Variants in NEO1 observed in about 807,000 individuals in gnomAD.
The protein encoded by NEO1 is neogenin 1.
Under a neutral mutation model 159.7 loss-of-function variants are expected in NEO1, and 63 were observed. The ratio of observed to expected loss-of-function variants is 0.39; its 90% CI spans 0.32 to 0.49. The LOEUF (loss-of-function observed/expected upper bound fraction) is 0.49. Ranked by LOEUF, NEO1 falls within the 20% of genes least tolerant of loss-of-function variation. The probability of loss-of-function intolerance (pLI) is 0.85; values close to 1 mark genes in which losing one functional copy is unlikely to be tolerated. For synonymous variants in NEO1, 633 were observed against 662.0 expected, an observed-to-expected ratio of 0.96 and a Z score of 0.67; for missense variants, 1,615 against 1,831.0, an observed-to-expected ratio of 0.88 and a Z score of 2.15.
chr15:73,076,443 A>G (rs1199963913), intron 1 of NEO1, among the ~76,000 whole-genome samples: 1 of 152,194 alleles, frequency 6.6e-6, no homozygotes, highest in African/African-American at 2.4e-5. Context: ...CCTTTCTGCT[A>G]AATGAATGCT....
chr15:73,186,537 C>A (rs2151993235), intron 7 of NEO1, among the ~76,000 whole-genome samples: 1 of 151,924 alleles, frequency 6.6e-6, no homozygotes, highest in South Asian at 2.1e-4. Context: ...AGATTAATTG[C>A]TTTAAGAGAT....
chr15:73,070,588 A>G (rs2068482598), intron 1 of NEO1, among the ~76,000 whole-genome samples: 1 of 152,198 alleles, frequency 6.6e-6, no homozygotes, highest in Admixed American at 6.5e-5. Context: ...GTCCCCCCTT[A>G]TCCATGGGAG....
rs903501375 is a variant in NEO1, at chr15:73,175,488, C to T, written c.1016-915C>T. On this transcript the variant is annotated intron_variant, in intron 5 of 28. Transcript: ENST00000261908. ...GGAAAAGAAGACAATATTTTTAAGA[C>T]GTCAAGTTGCCACAAATTCAACACA... is the stretch of plus-strand genomic sequence containing the variant. Among the ~76,000 whole-genome samples the T allele has an allele frequency of 6.6e-5, 10 of 152,280 alleles. 1 individual carries two copies. The South Asian group carries it at 8.3e-4, about 13-fold the overall frequency.
intron 5 of NEO1, among the ~76,000 whole-genome samples, chr15:73,145,970 CT>C (rs1205034313): frequency 2.0e-5 from 3 of 152,156 alleles, no homozygotes; most frequent in Non-Finnish European, 4.4e-5. Flanking sequence ...CCACTAGCTA[CT>C]TAAAAACACC....
intron 7 of NEO1, among the ~76,000 whole-genome samples, chr15:73,211,110 G>C (rs2037531000): frequency 6.6e-6 from 1 of 152,148 alleles, no homozygotes; most frequent in African/African-American, 2.4e-5. Flanking sequence ...GATAATTATT[G>C]TAATATCTTA....
intron 4 of NEO1, among the ~76,000 whole-genome samples, chr15:73,127,405 A>C (rs2030430946): frequency 1.3e-5 from 2 of 152,104 alleles, no homozygotes; most frequent in South Asian, 4.1e-4. Context: ...TTCTCATAAG[A>C]GATGTGGGGT....
chr15:73,061,136 A>G (rs2067957252), intron 1 of NEO1, among the ~76,000 whole-genome samples: 1 of 152,246 alleles, frequency 6.6e-6, no homozygotes, highest in African/African-American at 2.4e-5. Context: ...AGTATAATCT[A>G]ATTTCTGAGC....
At chr15:73,178,567 T>C in intron 7 of NEO1, 140 bp downstream of exon 7, 1 of 896,242 alleles carries the variant, frequency 1.1e-6, no homozygotes, top group Admixed American at 3.7e-5. Flanking sequence ...AATAGCAGTC[T>C]AAATCATTTC....
intron 5 of NEO1, among the ~76,000 whole-genome samples, chr15:73,166,415 T>C (rs1272987953): frequency 1.3e-5 from 2 of 152,132 alleles, no homozygotes; most frequent in Admixed American, 1.3e-4. Context: ...GACATTTGGA[T>C]TGCTGCAAAG....
At chr15:73,053,489 T>C (rs1405936822) in intron 1 of NEO1, among the ~76,000 whole-genome samples, 2 of 152,218 alleles carry the variant, frequency 1.3e-5, no homozygotes, top group African/African-American at 4.8e-5. Flanking sequence ...TACAACTATA[T>C]TTACAGCCTA....
chr15:73,052,685 G>A lies in NEO1; in HGVS notation c.10G>A (p.Glu4Lys), dbSNP rs868726777. 1.5e-6 allele frequency: 2 copies of A among 1,355,660 alleles called. No homozygotes were observed. Among genetic ancestry groups the A allele is most frequent in the Non-Finnish European group, 1.9e-6 (2 of 1,046,640 alleles). The allele number at this position is 1,355,660 out of a possible 1,614,324, so 84.0% of individuals were successfully genotyped here. A position where few individuals can be genotyped will look rare whatever the true frequency, so the allele number is the denominator to read the frequency against. MAA[E>K]RGARRLLSTP... is the part of the protein sequence containing the mutation. ...CACTCTCGGGGAAGAGATGGCGGCG[G>A]AGCGGGGAGCCCGGCGACTCCTCAG... The change falls in exon 1 of 29, where the codon GAG becomes AAG. Residue 4 changes from glutamate (E) to lysine (K), a missense_variant. This residue lies in a region of NEO1 where 1,018 missense variants were observed against 1,115.4 expected (regional missense o/e 0.91). Transcript: ENST00000261908.
At chr15:73,194,712 A>G (rs1169295145) in intron 7 of NEO1, among the ~76,000 whole-genome samples, 1 of 152,220 alleles carries the variant, frequency 6.6e-6, no homozygotes, top group African/African-American at 2.4e-5. Flanking sequence ...CATCCAGACG[A>G]TATCAGGCTT....
At chr15:73,123,156 C>CAA (rs746634085) in intron 3 of NEO1, among the ~76,000 whole-genome samples, 2 of 96,188 alleles carry the variant, frequency 2.1e-5, no homozygotes, top group Admixed American at 1.2e-4. Flanking sequence ...GACTCCATCT[C>CAA]AAAAAAAAAA....
At chr15:73,091,190 T>C (rs774369991) in intron 1 of NEO1, among the ~76,000 whole-genome samples, 15 of 152,216 alleles carry the variant, frequency 9.9e-5, no homozygotes, top group Non-Finnish European at 1.3e-4. Context: ...ATATTTAATT[T>C]GTAGGCTTTA....
rs184677772 is a variant in NEO1, at chr15:73,263,555, T to A, written c.2399-2761T>A. 5.9e-5 allele frequency among the ~76,000 whole-genome samples: 9 copies of A among 152,196 alleles called. 1 individual carries two copies. The East Asian group carries it at 1.7e-3, about 29-fold the overall frequency. ...ATATTTATATTTTATAATAAATAATTTATTTTGTTAGGTATAATTACTTTT... is the reference window on the plus strand; with the variant it reads ...ATATTTATATTTTATAATAAATAATATATTTTGTTAGGTATAATTACTTTT... On this transcript the variant is annotated intron_variant, in intron 15 of 28. Transcript: ENST00000261908.
chr15:73,263,399 G>T (rs1196326012), intron 15 of NEO1, among the ~76,000 whole-genome samples: 3 of 151,866 alleles, frequency 2.0e-5, no homozygotes, highest in African/African-American at 7.3e-5. Flanking sequence ...TCACCATGTT[G>T]CCCCAGGCTG....
chr15:73,154,095 A>G (rs920267965), intron 5 of NEO1, among the ~76,000 whole-genome samples: 1 of 152,176 alleles, frequency 6.6e-6, no homozygotes, highest in African/African-American at 2.4e-5. Context: ...TTTCACATAT[A>G]TTAGGTCTTA....
At chr15:73,264,896 C>T (rs34013312) in intron 15 of NEO1, among the ~76,000 whole-genome samples, 58,608 of 152,124 alleles carry the variant, frequency 0.39, 13,153 homozygotes, top group Admixed American at 0.5. Context: ...CAGACGTTCT[C>T]ACAATTATTA....
intron 26 of NEO1, 94 bp downstream of exon 26, chr15:73,293,642 T>G (rs2042244474): frequency 5.9e-6 from 8 of 1,346,266 alleles, no homozygotes; most frequent in Non-Finnish European, 8.0e-6. Flanking sequence ...AAGAGGGATT[T>G]GGAATTTTTC....
Sources: gnomAD v4.1 joint callset for allele counts (sites outside exome capture counted in the v4.1 genomes callset) on GRCh38, gnomAD v4.1.1 for gene constraint, gnomAD v4.1.1 regional missense constraint, MANE v1.5 for transcripts, NCBI Gene and HGNC (gene_info 2026-07-23, HGNC 2026-07-21) for gene names.